Variants in SPOCK3 observed in about 807,000 individuals in gnomAD.
SPOCK3 encodes testican-3.
SPOCK3 carries 30 observed loss-of-function variants against 56.6 expected under a neutral mutation model. The ratio of observed to expected loss-of-function variants is 0.53; its 90% CI spans 0.40 to 0.72. The LOEUF (loss-of-function observed/expected upper bound fraction) is 0.72. SPOCK3 is among the 30% of genes least tolerant of loss of function. SPOCK3 has a pLI of 0.00. For synonymous variants in SPOCK3, 196 were observed against 183.3 expected (o/e 1.07, Z -0.56); for missense variants, 527 against 530.0 (o/e 0.99, Z 0.06).
intron 2 of SPOCK3, among the ~76,000 whole-genome samples, chr4:167,190,388 A>G (rs1250059637): frequency 6.8e-6 from 1 of 146,222 alleles, no homozygotes; most frequent in East Asian, 2.1e-4. Context: ...ATCTTTTCAC[A>G]TACCTATTGG....
intron 6 of SPOCK3, among the ~76,000 whole-genome samples, chr4:166,831,684 T>C (rs1351887921): frequency 6.6e-6 from 1 of 151,628 alleles, no homozygotes; most frequent in Non-Finnish European, 1.5e-5. Flanking sequence ...ATCTGAGTAG[T>C]CTTGTCTATT....
intron 6 of SPOCK3, among the ~76,000 whole-genome samples, chr4:166,838,139 G>A (rs943319102): frequency 6.6e-6 from 1 of 151,938 alleles, no homozygotes; most frequent in Admixed American, 6.6e-5. Flanking sequence ...ACTTTGATTT[G>A]TCTTGGTGTG....
chr4:167,205,360 A>T (rs1166462961), intron 2 of SPOCK3, among the ~76,000 whole-genome samples: 2 of 35,106 alleles, frequency 5.7e-5, no homozygotes, highest in African/African-American at 3.2e-4. Context: ...TAATATATAT[A>T]TTATATATTT....
At chr4:167,033,143 C>T (rs1254508263) in intron 3 of SPOCK3, among the ~76,000 whole-genome samples, 2 of 151,678 alleles carry the variant, frequency 1.3e-5, no homozygotes, top group Admixed American at 1.3e-4. Flanking sequence ...AACATTATTA[C>T]TAAATTAGGA....
chr4:166,746,015 T>G (rs2126433585), intron 8 of SPOCK3, among the ~76,000 whole-genome samples: 1 of 152,270 alleles, frequency 6.6e-6, no homozygotes, highest in Non-Finnish European at 1.5e-5. Context: ...CAAAGAGACT[T>G]AGACTCCCAC....
At chr4:167,154,792 G>T (rs553073865) in intron 2 of SPOCK3, among the ~76,000 whole-genome samples, 72 of 152,250 alleles carry the variant, frequency 4.7e-4, no homozygotes, top group African/African-American at 1.6e-3. Flanking sequence ...TGGAGTCCAT[G>T]GTTGAGAAAT....
intron 3 of SPOCK3, among the ~76,000 whole-genome samples, chr4:167,024,645 T>A (rs887169973): frequency 7.9e-5 from 12 of 152,090 alleles, no homozygotes; most frequent in Middle Eastern, 3.4e-3. Context: ...AAATAAGACA[T>A]TATGCAGTCC....
intron 2 of SPOCK3, among the ~76,000 whole-genome samples, chr4:167,177,788 G>A (rs961067408): frequency 6.6e-6 from 1 of 151,968 alleles, no homozygotes; most frequent in Non-Finnish European, 1.5e-5. Context: ...CTTTACACAG[G>A]TCCAGAATCA....
intron 1 of SPOCK3, 96 bp from the exon 2 acceptor site, chr4:167,234,269 C>T (rs981135258): frequency 3.3e-6 from 4 of 1,222,540 alleles, no homozygotes; most frequent in Admixed American, 2.0e-5. Flanking sequence ...GCATTAGCAA[C>T]GACGAGGGTA....
At chr4:166,966,175 C>G (rs1261139002) in intron 4 of SPOCK3, among the ~76,000 whole-genome samples, 1 of 150,592 alleles carries the variant, frequency 6.6e-6, no homozygotes, top group Non-Finnish European at 1.5e-5. Flanking sequence ...TAGCTCATTT[C>G]TTTTTAGAGC....
At chr4:167,141,042 C>G (rs1455273212) in intron 2 of SPOCK3, among the ~76,000 whole-genome samples, 1 of 151,910 alleles carries the variant, frequency 6.6e-6, no homozygotes, top group Admixed American at 6.6e-5. Context: ...CCCCTGCAAT[C>G]CCATCAGGCT....
At chr4:166,909,470 G>T (rs1737014663) in intron 5 of SPOCK3, among the ~76,000 whole-genome samples, 1 of 151,842 alleles carries the variant, frequency 6.6e-6, no homozygotes, top group African/African-American at 2.4e-5. Context: ...TGAAAGTAAT[G>T]AACAAACATT....
At chr4:167,012,540 T>C (rs546583560) in intron 3 of SPOCK3, among the ~76,000 whole-genome samples, 3 of 152,004 alleles carry the variant, frequency 2.0e-5, no homozygotes, top group African/African-American at 7.2e-5. Flanking sequence ...CTTTAGCACT[T>C]GGGGAAAAAA....
intron 5 of SPOCK3, among the ~76,000 whole-genome samples, chr4:166,905,092 AT>A (rs1027792884): frequency 7.6e-4 from 115 of 151,886 alleles, no homozygotes; most frequent in African/African-American, 2.7e-3. Context: ...AAGTCTTGTA[AT>A]TTTTTTTAAA....
intron 7 of SPOCK3, among the ~76,000 whole-genome samples, chr4:166,768,261 TTGA>T (rs1331122559): frequency 6.6e-6 from 1 of 152,212 alleles, no homozygotes; most frequent in African/African-American, 2.4e-5. Flanking sequence ...TGCTCGTTAG[TTGA>T]TGCAGTTTCT....
chr4:166,807,816 A>C (rs187293045), intron 6 of SPOCK3, among the ~76,000 whole-genome samples: 5 of 152,212 alleles, frequency 3.3e-5, no homozygotes, highest in Admixed American at 1.3e-4. Context: ...TTGATCTCAG[A>C]TGGCATTTGA....
intron 4 of SPOCK3, among the ~76,000 whole-genome samples, chr4:166,967,704 C>A (rs574375577): frequency 6.6e-6 from 1 of 152,096 alleles, no homozygotes; most frequent in African/African-American, 2.4e-5. Context: ...TTCTTTATTG[C>A]AGTGTGAGAA....
At chr4:167,195,926 A>G (rs576493782) in intron 2 of SPOCK3, among the ~76,000 whole-genome samples, 4 of 152,300 alleles carry the variant, frequency 2.6e-5, no homozygotes, top group Admixed American at 1.3e-4. Context: ...TGCTGGGGGA[A>G]ATACCCAGTG....
At chr4:167,116,643 TATATATACAC>T (rs1237941678) in intron 2 of SPOCK3, among the ~76,000 whole-genome samples, 17 of 107,684 alleles carry the variant, frequency 1.6e-4, no homozygotes, top group Admixed American at 2.3e-4. Flanking sequence ...TATATACGTA[TATATATACAC>T]ATATATACGT....
Sources: allele counts gnomAD v4.1 joint callset (sites outside exome capture counted in the v4.1 genomes callset), GRCh38; gene constraint gnomAD v4.1.1; transcripts MANE v1.5; gene names NCBI Gene and HGNC (gene_info 2026-07-23, HGNC 2026-07-21).